Variants in RALYL observed in about 807,000 individuals in gnomAD.
RALYL encodes RNA-binding Raly-like protein.
RALYL carries 29 observed loss-of-function variants against 35.1 expected under a neutral mutation model. The ratio of observed to expected loss-of-function variants is 0.83; its 90% CI spans 0.61 to 1.13. The LOEUF (loss-of-function observed/expected upper bound fraction) is 1.13. Ranked by LOEUF, RALYL falls within the 50% of genes most tolerant of loss-of-function variation. The probability of loss-of-function intolerance (pLI) is 0.00; values close to 1 mark genes in which losing one functional copy is unlikely to be tolerated. For synonymous variants in RALYL, 120 were observed against 127.6 expected (o/e 0.94, Z 0.40); for missense variants, 359 against 360.4 (o/e 1.00, Z 0.03).
intron 4 of RALYL, among the ~76,000 whole-genome samples, chr8:84,844,717 C>A (rs1315345690): frequency 2.0e-5 from 3 of 152,204 alleles, no homozygotes; most frequent in Non-Finnish European, 4.4e-5. Context: ...TTGGAACCAA[C>A]CCAAATGTCC....
intron 2 of RALYL, among the ~76,000 whole-genome samples, chr8:84,693,795 A>G (rs868322524): frequency 3.9e-5 from 6 of 151,992 alleles, no homozygotes; most frequent in African/African-American, 1.4e-4. Flanking sequence ...TCCCTGGGAT[A>G]TAAGAATCAT....
chr8:84,908,533 CTTCTT>C (rs1234346919), intron 8 of RALYL, among the ~76,000 whole-genome samples: 1 of 152,104 alleles, frequency 6.6e-6, no homozygotes. Flanking sequence ...CCAGTCCTTC[CTTCTT>C]TTCTTAAGGC....
intron 2 of RALYL, among the ~76,000 whole-genome samples, chr8:84,768,361 C>T (rs548530536): frequency 2.0e-5 from 3 of 152,148 alleles, no homozygotes; most frequent in Admixed American, 6.6e-5. Context: ...AAAGGGACTG[C>T]TCGTTCATTC....
chr8:84,295,487 A>T (rs1203903656), intron 1 of RALYL, among the ~76,000 whole-genome samples: 1 of 152,064 alleles, frequency 6.6e-6, no homozygotes, highest in East Asian at 1.9e-4. Context: ...TTTTATAGAG[A>T]TGGAGTCTTG....
At position 84,429,908 on chromosome 8, in the gene RALYL, A is replaced by G. The variant is rs555412789; in HGVS notation, c.-23-99391A>G. On this transcript the variant is annotated intron_variant, in intron 1 of 8. Transcript: ENST00000521268. ...ACATGGACACAATTTTTACCTTCAG[A>G]TAACTTATACGTATTGCCCCTCTGC... Among the ~76,000 whole-genome samples, 23 of 152,170 alleles carry G rather than the reference A, an allele frequency of 1.5e-4. 1 individual carries two copies. The highest frequency in any genetic ancestry group is 2.0e-4 in the Admixed American group (3 of 15,260).
chr8:84,810,299 A>T (rs997469027), intron 4 of RALYL, among the ~76,000 whole-genome samples: 1 of 151,976 alleles, frequency 6.6e-6, no homozygotes, highest in African/African-American at 2.4e-5. Context: ...GGTTTTGAAG[A>T]TTCCTTTTTG....
chr8:84,426,845 A>C (rs1202069012), intron 1 of RALYL, among the ~76,000 whole-genome samples: 1 of 152,176 alleles, frequency 6.6e-6, no homozygotes, highest in Non-Finnish European at 1.5e-5. Context: ...GAACTCTTGC[A>C]TGCTGTTGGT....
chr8:84,891,020 G>A (rs1025699988), intron 8 of RALYL, among the ~76,000 whole-genome samples: 1 of 152,030 alleles, frequency 6.6e-6, no homozygotes, highest in South Asian at 2.1e-4. Context: ...ATGAATAAAA[G>A]AAAAACAAAG....
At chr8:84,189,584 T>C (rs928281321) in intron 1 of RALYL, among the ~76,000 whole-genome samples, 3 of 152,090 alleles carry the variant, frequency 2.0e-5, no homozygotes, top group Non-Finnish European at 4.4e-5. Flanking sequence ...TATTATTTTA[T>C]ATGTTGGAGG....
intron 2 of RALYL, among the ~76,000 whole-genome samples, chr8:84,712,133 A>G (rs1485150029): frequency 6.6e-6 from 1 of 152,152 alleles, no homozygotes; most frequent in African/African-American, 2.4e-5. Context: ...GATATATGCA[A>G]TGTCTTCAGC....
At chr8:84,334,958 GACA>G (rs1449198823) in intron 1 of RALYL, among the ~76,000 whole-genome samples, 1 of 152,150 alleles carries the variant, frequency 6.6e-6, no homozygotes, top group Non-Finnish European at 1.5e-5. Context: ...GGAAGAGGAA[GACA>G]ACGTCAGATA....
At chr8:84,309,594 A>G (rs552997450) in intron 1 of RALYL, among the ~76,000 whole-genome samples, 148 of 152,294 alleles carry the variant, frequency 9.7e-4, no homozygotes, top group Non-Finnish European at 1.8e-3. Context: ...GCTCAGAAAT[A>G]TATTCATAGA....
chr8:84,282,872 A>T (rs892741271), intron 1 of RALYL, among the ~76,000 whole-genome samples: 3 of 151,914 alleles, frequency 2.0e-5, no homozygotes, highest in Non-Finnish European at 4.4e-5. Flanking sequence ...AAATGTTGGA[A>T]CTTGACAAAA....
chr8:84,374,852 A>G (rs1192028985), intron 1 of RALYL, among the ~76,000 whole-genome samples: 2 of 151,768 alleles, frequency 1.3e-5, no homozygotes, highest in African/African-American at 4.8e-5. Flanking sequence ...GTACTCCTGA[A>G]CCTAAAAGAC....
intron 2 of RALYL, among the ~76,000 whole-genome samples, chr8:84,599,791 AT>A (rs1383548327): frequency 6.6e-6 from 1 of 152,082 alleles, no homozygotes; most frequent in African/African-American, 2.4e-5. Flanking sequence ...AACAAAGGAA[AT>A]TTTATTTTAG....
chr8:84,606,778 A>T (rs1019862582), intron 2 of RALYL, among the ~76,000 whole-genome samples: 13 of 152,078 alleles, frequency 8.5e-5, no homozygotes, highest in Non-Finnish European at 1.8e-4. Context: ...TTGAAAACTG[A>T]GTATTAAAAA....
At chr8:84,906,648 C>G (rs1846544524) in intron 8 of RALYL, among the ~76,000 whole-genome samples, 1 of 151,756 alleles carries the variant, frequency 6.6e-6, no homozygotes, top group South Asian at 2.1e-4. Flanking sequence ...ATGTTGCTGA[C>G]CTTTTACAAT....
intron 1 of RALYL, among the ~76,000 whole-genome samples, chr8:84,254,001 T>C (rs1014797014): frequency 6.6e-6 from 1 of 152,168 alleles, no homozygotes; most frequent in East Asian, 1.9e-4. Context: ...GGTTGACAAA[T>C]GCATCATGAT....
chr8:84,557,373 A>G (rs1234798363), intron 2 of RALYL, among the ~76,000 whole-genome samples: 1 of 152,192 alleles, frequency 6.6e-6, no homozygotes, highest in Non-Finnish European at 1.5e-5. Context: ...CCTGGGATGG[A>G]CCCACAGCAA....
Sources: gnomAD v4.1 joint callset for allele counts (sites outside exome capture counted in the v4.1 genomes callset) on GRCh38, gnomAD v4.1.1 for gene constraint, MANE v1.5 for transcripts, NCBI Gene and HGNC (gene_info 2026-07-23, HGNC 2026-07-21) for gene names.